Variants in TARS3 observed in about 807,000 individuals in gnomAD.
The protein encoded by TARS3 is threonyl-tRNA synthetase 3.
Under a neutral mutation model 103.5 loss-of-function variants are expected in TARS3, and 94 were observed. The observed-to-expected ratio is 0.91, with a 90% confidence interval of 0.77 to 1.08. TARS3 has a LOEUF of 1.08. Among genes scored for constraint, TARS3 ranks in the 50% least tolerant of loss-of-function variants. The pLI is 0.00. For missense variants in TARS3, 952 were observed against 995.2 expected, an observed-to-expected ratio of 0.96 and a Z score of 0.58; for synonymous variants, 416 against 355.4, an observed-to-expected ratio of 1.17 and a Z score of -1.92.
chr15:101,684,484 C>T (rs1271653358), intron 11 of TARS3, among the ~76,000 whole-genome samples: 1 of 152,202 alleles, frequency 6.6e-6, no homozygotes, highest in African/African-American at 2.4e-5. Flanking sequence ...CCCTTATCCA[C>T]ACAGTGAATC....
rs574409464 is a variant in TARS3 at position 101,675,612 on chromosome 15, A to T, written c.1776T>A (p.Asn592Lys). 4 of 1,613,334 alleles carry T rather than the reference A, an allele frequency of 2.5e-6. No individual in the cohort carries two copies. The highest frequency in any genetic ancestry group is 1.7e-5 in the Admixed American group (1 of 59,870). The change falls in exon 13 of 19, where the codon AAT becomes AAA. Residue 592 changes from asparagine (N) to lysine (K), a missense_variant. Physicochemically the swap from Asn to Lys is moderately conservative, Grantham distance 94. Around this residue, in one of 2 missense-constraint regions of TARS3, gnomAD observed 540 missense variants for 631.0 expected, o/e 0.86. Transcript: ENST00000335968. The part of the protein sequence containing the change: ...ENFLGEIEMW[N>K]EAEKQLQNSL... ...GTGTGTCTCTTACCTTCTCAGCCTC[A>T]TTCCACATCTCAATCTCTCCTAGGA...
chr15:101,684,335 A>C (rs142737267), intron 11 of TARS3, 98 bp from the exon 12 acceptor site: 1 of 1,206,808 alleles, frequency 8.3e-7, no homozygotes, highest in Non-Finnish European at 1.1e-6. Context: ...CAAGATTCAT[A>C]AACTCCTTAT....
At chr15:101,713,241 A>G (rs1487642143) in intron 4 of TARS3, among the ~76,000 whole-genome samples, 1 of 152,178 alleles carries the variant, frequency 6.6e-6, no homozygotes, top group Admixed American at 6.5e-5. Context: ...TCCTGCATTC[A>G]TGGGGACTCG....
chr15:101,723,174 A>G lies in TARS3; in HGVS notation c.298-10T>C. The G allele has an allele frequency of 1.2e-6, 2 of 1,611,230 alleles. No individual in the cohort carries two copies. The highest frequency in any genetic ancestry group is 1.7e-6 in the Non-Finnish European group (2 of 1,177,488). On this transcript the variant is annotated splice_polypyrimidine_tract_variant and intron_variant, in intron 1 of 18. Coordinates refer to ENST00000335968, the MANE Select transcript of TARS3 (RefSeq NM_152334.3). ...TTTGACTAGGAGGAGGCTGAAAGAT[A>G]AATTATAAATGACTCACATCAATGG... is the stretch of plus-strand genomic sequence containing the variant.
intron 4 of TARS3, among the ~76,000 whole-genome samples, chr15:101,712,467 C>T (rs1419301236): frequency 4.6e-5 from 7 of 152,178 alleles, no homozygotes; most frequent in Admixed American, 2.0e-4. Context: ...CTACAGTTAA[C>T]GAGATCCTGC....
At chr15:101,689,286 A>G (rs1438629981) in intron 10 of TARS3, among the ~76,000 whole-genome samples, 5 of 152,150 alleles carry the variant, frequency 3.3e-5, no homozygotes, top group Non-Finnish European at 5.9e-5. Context: ...CATCAGTGGG[A>G]GCCCTGAAAC....
chr15:101,665,700 G>C (rs1315369873), intron 15 of TARS3, among the ~76,000 whole-genome samples: 1 of 152,082 alleles, frequency 6.6e-6, no homozygotes, highest in Admixed American at 6.5e-5. Flanking sequence ...CATAAAAATA[G>C]AAAAATCAGC....
chr15:101,687,648 T>C (rs902161220), intron 10 of TARS3, among the ~76,000 whole-genome samples: 4 of 152,150 alleles, frequency 2.6e-5, no homozygotes, highest in African/African-American at 9.7e-5. Flanking sequence ...TAGGAATGTA[T>C]GTCTTCTTGA....
chr15:101,680,359 C>T (rs1487518346), intron 12 of TARS3, among the ~76,000 whole-genome samples: 3 of 152,318 alleles, frequency 2.0e-5, no homozygotes, highest in Non-Finnish European at 4.4e-5. Context: ...AGCAAGCAGA[C>T]TTCTGTTGGC....
At chr15:101,669,103 C>A (rs1287017860) in intron 15 of TARS3, among the ~76,000 whole-genome samples, 1 of 152,294 alleles carries the variant, frequency 6.6e-6, no homozygotes. Context: ...GCCCCTGGAA[C>A]CTTCCACTGG....
At chr15:101,666,964 TAAC>T (rs1182738838) in intron 15 of TARS3, among the ~76,000 whole-genome samples, 1 of 152,190 alleles carries the variant, frequency 6.6e-6, no homozygotes, top group Non-Finnish European at 1.5e-5. Flanking sequence ...AATTTTTAAA[TAAC>T]AAGACTTGAA....
intron 15 of TARS3, among the ~76,000 whole-genome samples, chr15:101,669,173 G>A (rs1897701759): frequency 6.6e-6 from 1 of 152,080 alleles, no homozygotes; most frequent in Admixed American, 6.5e-5. Flanking sequence ...GTAGGCCTAG[G>A]CTACTAGGCT....
At chr15:101,657,419 C>G (rs1897232217) in intron 17 of TARS3, among the ~76,000 whole-genome samples, 1 of 152,234 alleles carries the variant, frequency 6.6e-6, no homozygotes, top group Non-Finnish European at 1.5e-5. Flanking sequence ...AATCCACCAG[C>G]TGAGCTGCTC....
In TARS3 at chr15:101,671,790, C is replaced by CT. The variant is rs139057031; in HGVS notation, c.1789-43dup. ...AAAAAGATACAATTATACACTGTATCTTTTTTTTTTACATACAGCTCACAA... is the reference window on the plus strand; with the variant it reads ...AAAAAGATACAATTATACACTGTATCTTTTTTTTTTTACATACAGCTCACAA... On this transcript the variant is annotated intron_variant, in intron 13 of 18. Transcript: ENST00000335968. 9.3e-3 allele frequency: 12,310 copies of CT among 1,329,936 alleles called. 108 individuals carry two copies. The East Asian group carries it at 0.12, about 13-fold the overall frequency. The allele number at this position is 1,329,936 out of a possible 1,614,324, so 82.4% of individuals were successfully genotyped here. A position where few individuals can be genotyped will look rare whatever the true frequency, so the allele number is the denominator to read the frequency against.
Position 101,723,175 on chromosome 15 carries a change from A to C in TARS3, c.298-11T>G, listed in dbSNP as rs1900576766. The stretch of plus-strand genomic sequence containing the variant: ...TTGACTAGGAGGAGGCTGAAAGATA[A>C]ATTATAAATGACTCACATCAATGGC... On this transcript the variant is annotated splice_polypyrimidine_tract_variant and intron_variant, in intron 1 of 18. Coordinates refer to ENST00000335968, the MANE Select transcript of TARS3 (RefSeq NM_152334.3). 6.2e-7 allele frequency: 1 copy of C among 1,611,598 alleles called. No individual in the cohort carries two copies. The highest frequency in any genetic ancestry group is 8.5e-7 in the Non-Finnish European group (1 of 1,177,808).
At position 101,724,364 on chromosome 15, in the gene TARS3, C is replaced by CGCCGCCAGGGCCTCG; in HGVS notation, c.9_23dup (p.Leu6_Ala10dup). The CGCCGCCAGGGCCTCG allele has an allele frequency of 6.5e-7, 1 of 1,535,912 alleles. No individual in the cohort carries two copies. The highest frequency in any genetic ancestry group is 1.9e-5 in the Admixed American group (1 of 52,102). On this transcript the variant is annotated inframe_insertion, in exon 1 of 19. Coordinates refer to ENST00000335968, the MANE Select transcript of TARS3 (RefSeq NM_152334.3). ...GCTCCAGGCGCGACGCCACGGCCTC[C>CGCCGCCAGGGCCTCG]GCCGCCAGGGCCTCGGCCGCCATCG...
At chr15:101,705,958 T>A (rs1899538423) in intron 6 of TARS3, among the ~76,000 whole-genome samples, 1 of 151,986 alleles carries the variant, frequency 6.6e-6, no homozygotes, top group African/African-American at 2.4e-5. Context: ...ATGCCATTAA[T>A]TTGTGGTTGT....
At chr15:101,716,400 A>C (rs1900160298) in intron 3 of TARS3, among the ~76,000 whole-genome samples, 1 of 152,220 alleles carries the variant, frequency 6.6e-6, no homozygotes, top group Non-Finnish European at 1.5e-5. Context: ...AGAAATTACC[A>C]TTGATGTTTT....
chr15:101,695,412 T>C (rs1898924285), intron 10 of TARS3, among the ~76,000 whole-genome samples: 1 of 152,254 alleles, frequency 6.6e-6, no homozygotes, highest in African/African-American at 2.4e-5. Flanking sequence ...TCCTCCTTCA[T>C]GTGTATATCA....
Sources: gnomAD v4.1 joint callset for allele counts (sites outside exome capture counted in the v4.1 genomes callset) on GRCh38, gnomAD v4.1.1 for gene constraint, gnomAD v4.1.1 regional missense constraint, MANE v1.5 for transcripts, NCBI Gene and HGNC (gene_info 2026-07-23, HGNC 2026-07-21) for gene names.